PTPRR: variants seen among roughly 807,000 people sequenced by gnomAD.
PTPRR encodes receptor-type tyrosine-protein phosphatase R.
PTPRR carries 38 observed loss-of-function variants against 77.2 expected under a neutral mutation model. The ratio of observed to expected loss-of-function variants is 0.49; its 90% CI spans 0.38 to 0.65. The LOEUF (loss-of-function observed/expected upper bound fraction) is 0.65, where lower values mean the gene tolerates loss of function less well. Among genes scored for constraint, PTPRR ranks in the 30% least tolerant of loss-of-function variants. The pLI is 0.00. For missense variants in PTPRR, 744 were observed against 799.2 expected, an observed-to-expected ratio of 0.93 and a Z score of 0.83; for synonymous variants, 299 against 283.1, an observed-to-expected ratio of 1.06 and a Z score of -0.57.
chr12:70,911,996 C>T (rs1481410786), intron 1 of PTPRR, among the ~76,000 whole-genome samples: 2 of 152,150 alleles, frequency 1.3e-5, no homozygotes, highest in East Asian at 3.9e-4. Context: ...TATCTAGAAA[C>T]ATGACATTTC....
intron 10 of PTPRR, among the ~76,000 whole-genome samples, chr12:70,664,908 A>C (rs1463717065): frequency 6.6e-6 from 1 of 152,188 alleles, no homozygotes; most frequent in Non-Finnish European, 1.5e-5. Context: ...GGTACTTTTG[A>C]ATATGAGGTG....
intron 5 of PTPRR, among the ~76,000 whole-genome samples, chr12:70,753,393 A>G (rs575696062): frequency 1.3e-5 from 2 of 152,340 alleles, no homozygotes; most frequent in African/African-American, 4.8e-5. Flanking sequence ...AATTAAAAAG[A>G]ACATAGCTCA....
In PTPRR at chr12:70,656,712, A is replaced by G; in HGVS notation, c.1872T>C (p.Arg624=). 6.2e-7 allele frequency: 1 copy of G among 1,612,404 alleles called. No individual in the cohort carries two copies. Among genetic ancestry groups the G allele is most frequent in the Non-Finnish European group, 8.5e-7 (1 of 1,178,512 alleles). ...VDALSIVCQL[R]MDRGGMVQTS... Reference sequence around the variant, plus strand: ...GCCTCTGTGACACTCACCTATCCATACGAAGCTGGCAGACAATGCTTAGTG... The same window carrying G: ...GCCTCTGTGACACTCACCTATCCATGCGAAGCTGGCAGACAATGCTTAGTG... The change falls in exon 13 of 14, where the codon CGT becomes CGC. Residue 624 remains arginine, a synonymous_variant. Coordinates refer to ENST00000283228, the MANE Select transcript of PTPRR (RefSeq NM_002849.4).
intron 2 of PTPRR, among the ~76,000 whole-genome samples, chr12:70,842,952 T>C (rs1381371315): frequency 1.3e-5 from 2 of 152,218 alleles, no homozygotes; most frequent in East Asian, 3.8e-4. Context: ...GAAATAATTC[T>C]AGAACATTTT....
intron 6 of PTPRR, among the ~76,000 whole-genome samples, chr12:70,716,661 A>G (rs1202778498): frequency 6.6e-6 from 1 of 152,126 alleles, no homozygotes; most frequent in Non-Finnish European, 1.5e-5. Context: ...CATATCAGCT[A>G]CAAGTACTAT....
intron 12 of PTPRR, among the ~76,000 whole-genome samples, chr12:70,659,634 G>A (rs1006297284): frequency 3.9e-5 from 6 of 152,126 alleles, no homozygotes; most frequent in Non-Finnish European, 7.4e-5. Flanking sequence ...CGCATAGTCA[G>A]TTAGGCTGTT....
chr12:70,716,272 A>G (rs1463114104), intron 6 of PTPRR, among the ~76,000 whole-genome samples: 2 of 151,240 alleles, frequency 1.3e-5, no homozygotes, highest in Admixed American at 6.6e-5. Flanking sequence ...CTCTAACTTT[A>G]TCTCCCATTT....
intron 13 of PTPRR, among the ~76,000 whole-genome samples, chr12:70,648,517 T>C (rs10506600): frequency 0.07 from 10,632 of 152,226 alleles, 555 homozygotes; most frequent in Admixed American, 0.15. Flanking sequence ...TGGAGGTCCA[T>C]GAAATATCTT....
At chr12:70,903,390 A>G (rs965969946) in intron 1 of PTPRR, among the ~76,000 whole-genome samples, 1 of 151,906 alleles carries the variant, frequency 6.6e-6, no homozygotes, top group African/African-American at 2.4e-5. Context: ...TCAATTAAAA[A>G]TAATGTAAAT....
chr12:70,743,175 G>A (rs1298828383), intron 6 of PTPRR, among the ~76,000 whole-genome samples: 2 of 152,136 alleles, frequency 1.3e-5, no homozygotes, highest in African/African-American at 2.4e-5. Context: ...GGAGGAGACC[G>A]AAGGTAGCCA....
At chr12:70,796,150 C>T (rs1346930824) in intron 2 of PTPRR, among the ~76,000 whole-genome samples, 1 of 151,800 alleles carries the variant, frequency 6.6e-6, no homozygotes, top group Non-Finnish European at 1.5e-5. Context: ...TCTTGAACTC[C>T]TGACCTCAGG....
At chr12:70,665,350 A>G (rs957457869) in intron 10 of PTPRR, among the ~76,000 whole-genome samples, 2 of 147,396 alleles carry the variant, frequency 1.4e-5, no homozygotes, top group African/African-American at 5.0e-5. Context: ...ATGTAACACA[A>G]AGCAATGCAA....
chr12:70,828,032 C>A (rs546073898), intron 2 of PTPRR, among the ~76,000 whole-genome samples: 34 of 152,154 alleles, frequency 2.2e-4, no homozygotes, highest in Non-Finnish European at 3.5e-4. Flanking sequence ...GAATTTCTTT[C>A]ATAAGGGCGC....
Position 70,672,269 on chromosome 12 carries a change from C to A in PTPRR, c.1498-9664G>T, listed in dbSNP as rs878998064. ...GTGTGTGGGCATGAATTATGTGGAC[C>A]ACTGCAAAGAACAGAATGTGCCCGT... On this transcript the variant is annotated intron_variant, in intron 10 of 13. Coordinates refer to ENST00000283228, the MANE Select transcript of PTPRR (RefSeq NM_002849.4). The A allele has an allele frequency of 5.6e-6, 9 of 1,593,822 alleles. No individual in the cohort carries two copies. In the South Asian group the frequency reaches 8.9e-5, roughly 16 times the overall value.
intron 2 of PTPRR, among the ~76,000 whole-genome samples, chr12:70,833,851 T>G (rs1892257174): frequency 6.6e-6 from 1 of 152,160 alleles, no homozygotes; most frequent in Non-Finnish European, 1.5e-5. Context: ...TCTGGGCTGC[T>G]CATTCCCTCC....
intron 6 of PTPRR, among the ~76,000 whole-genome samples, chr12:70,710,774 T>C (rs1024251154): frequency 6.6e-6 from 1 of 151,986 alleles, no homozygotes; most frequent in Admixed American, 6.6e-5. Context: ...AAGATATAGG[T>C]GCAGTCAACA....
At chr12:70,912,736 T>C (rs1345708789) in intron 1 of PTPRR, among the ~76,000 whole-genome samples, 1 of 152,178 alleles carries the variant, frequency 6.6e-6, no homozygotes, top group African/African-American at 2.4e-5. Flanking sequence ...AATATAAATT[T>C]GCTAATTGTC....
intron 2 of PTPRR, among the ~76,000 whole-genome samples, chr12:70,886,176 G>T (rs1406421217): frequency 1.3e-5 from 2 of 152,186 alleles, no homozygotes; most frequent in African/African-American, 4.8e-5. Context: ...ATGGTGAAAA[G>T]CAACAGATGG....
At chr12:70,700,745 T>A (rs1888391194) in intron 7 of PTPRR, among the ~76,000 whole-genome samples, 1 of 152,132 alleles carries the variant, frequency 6.6e-6, no homozygotes, top group Non-Finnish European at 1.5e-5. Context: ...CTCCTAAACA[T>A]ATATTAAGGC....
Sources: allele counts gnomAD v4.1 joint callset (sites outside exome capture counted in the v4.1 genomes callset), GRCh38; gene constraint gnomAD v4.1.1; transcripts MANE v1.5; gene names NCBI Gene and HGNC (gene_info 2026-07-23, HGNC 2026-07-21).